The following TTN variants were observed in gnomAD, a reference collection of about 807,000 sequenced individuals.
TTN encodes the protein titin, also known as connectin.
TTN carries 1,525 observed loss-of-function variants against 3,223.0 expected under a neutral mutation model. That is an observed-to-expected ratio of 0.47 (90% confidence interval 0.45 to 0.49). The LOEUF (loss-of-function observed/expected upper bound fraction) is 0.49. Among genes scored for constraint, TTN ranks in the 20% least tolerant of loss-of-function variants. TTN has a pLI of 0.00. For missense variants in TTN, 40,786 were observed against 43,424.0 expected (o/e 0.94, Z 5.40); for synonymous variants, 14,094 against 15,161.0 (o/e 0.93, Z 5.17).
Position 178,583,861 on chromosome 2 carries a change from A to G in TTN, c.65321T>C (p.Val21774Ala). ...PEVIDVTKST[V>A]SLIWARPKHD... ...CTTTGGACGAGCCCAGATCAGAGAT[A>G]CAGTACTCTTGGTGACATCAATAAC... The change falls in exon 312 of 363, where the codon GTA (valine) becomes GCA (alanine). Residue 21774 changes from valine to alanine, a missense_variant. Coordinates refer to ENST00000589042, the MANE Select transcript of TTN (RefSeq NM_001267550.2). 3 of 1,606,666 alleles carry G rather than the reference A, an allele frequency of 1.9e-6. No homozygotes were observed. Among genetic ancestry groups the G allele is most frequent in the Non-Finnish European group, 2.6e-6 (3 of 1,175,972 alleles).
Position 178,719,645 on chromosome 2 carries a change from G to A in TTN, c.23847C>T (p.Pro7949=), listed in dbSNP as rs377009958. The change falls in exon 82 of 363, where the codon CCC becomes CCT. Residue 7949 remains proline (P), a synonymous_variant. Coordinates refer to ENST00000589042, the MANE Select transcript of TTN (RefSeq NM_001267550.2). ...ATCCTTTGTCACTCATTTCGGCACA[G>A]GGGATTTTAAGGGAAGCCACTTTAT... ...FINKVASLKI[P]CAEMSDKGLY... is the part of the protein sequence containing the mutation. 84 of 1,613,618 alleles carry A rather than the reference G, an allele frequency of 5.2e-5. No individual in the cohort carries two copies. The highest frequency in any genetic ancestry group is 7.0e-5 in the Non-Finnish European group (82 of 1,179,730).
chr2:178,618,778 T>C lies in TTN; in HGVS notation c.46772A>G (p.Tyr15591Cys), dbSNP rs771962876. ...AGCTTCTGCTTTGGGGTAGGCATCA[T>C]ATGGCACCACCATTGTCAGAGGCTT... ...VGKPLTMVVPYDAYPKAEAEW... is the reference protein window; with the variant it reads ...VGKPLTMVVPCDAYPKAEAEW... Residue 15591 changes from tyrosine (Y) to cysteine (C), a missense_variant, in exon 251 of 363, where the codon TAT becomes TGT. Coordinates refer to ENST00000589042, the MANE Select transcript of TTN (RefSeq NM_001267550.2). The C allele has an allele frequency of 1.2e-6, 2 of 1,611,592 alleles. No individual in the cohort carries two copies. Among genetic ancestry groups the C allele is most frequent in the East Asian group, 2.2e-5 (1 of 44,546 alleles).
In TTN at chr2:178,533,915, C is replaced by T. The variant is rs770752553; in HGVS notation, c.102700G>A (p.Asp34234Asn). ...LFVKGVREVYDYYCRRTMKKI... is the reference protein window; with the variant it reads ...LFVKGVREVYNYYCRRTMKKI... Reference sequence around the variant, plus strand: ...TTCATGGTTCTACGGCAGTAATAGTCATAGACTTCTCTCACACCTTTAACA... The same window carrying T: ...TTCATGGTTCTACGGCAGTAATAGTTATAGACTTCTCTCACACCTTTAACA... The change falls in exon 358 of 363, where the codon GAC (aspartate) becomes AAC (asparagine). Residue 34234 changes from aspartate to asparagine, a missense_variant. Physicochemically the swap from Asp to Asn is conservative, Grantham distance 23 (BLOSUM62 1). Coordinates refer to ENST00000589042, the MANE Select transcript of TTN (RefSeq NM_001267550.2). The T allele has an allele frequency of 3.7e-6, 6 of 1,613,704 alleles. No homozygotes were observed. The African/African-American group carries it at 5.3e-5, about 14-fold the overall frequency.
At position 178,640,126 on chromosome 2, in the gene TTN, G is replaced by A; in HGVS notation, c.40724-16C>T. 5 of 1,610,016 alleles carry A rather than the reference G, an allele frequency of 3.1e-6. No individual in the cohort carries two copies. Among genetic ancestry groups the A allele is most frequent in the Non-Finnish European group, 4.2e-6 (5 of 1,177,980 alleles). Reference sequence around the variant, plus strand: ...ATTTCAGGCACTGAAATAATTTAGAGTAGAGGGCAGATTATTACAGGATTT... The same window carrying A: ...ATTTCAGGCACTGAAATAATTTAGAATAGAGGGCAGATTATTACAGGATTT... On this transcript the variant is annotated splice_polypyrimidine_tract_variant and intron_variant, in intron 221 of 362. Transcript: ENST00000589042.
chr2:178,754,181 A>G (rs1000697182), intron 46 of TTN, among the ~76,000 whole-genome samples: 2 of 152,148 alleles, frequency 1.3e-5, no homozygotes, highest in African/African-American at 2.4e-5. Context: ...TAATAACTGT[A>G]TTCAAAAAGA....
In TTN at chr2:178,728,575, C is replaced by T. The variant is rs763946767; in HGVS notation, c.19351G>A (p.Asp6451Asn). ...ACCTTGAAAGTGTACTGACCGCTGT[C>T]CTGCTTCATTACTGACTGAATTCTA... ...SFRIQSVMKQ[D>N]SGQYTFKVEN... Residue 6451 changes from aspartate (D) to asparagine (N), a missense_variant, in exon 66 of 363, where the codon GAC becomes AAC. Coordinates refer to ENST00000589042, the MANE Select transcript of TTN (RefSeq NM_001267550.2). The T allele has an allele frequency of 2.5e-6, 4 of 1,613,148 alleles. No homozygotes were observed. Among genetic ancestry groups the T allele is most frequent in the Non-Finnish European group, 3.4e-6 (4 of 1,179,484 alleles).
chr2:178,726,250 G>C (rs1269958765), intron 69 of TTN: 6 of 493,840 alleles, frequency 1.2e-5, no homozygotes. Context: ...AACCCAGATA[G>C]ATCCTAGATG....
At position 178,735,657 on chromosome 2, in the gene TTN, G is replaced by A; in HGVS notation, c.14789C>T (p.Pro4930Leu). Reference sequence around the variant, plus strand: ...AAAACAGATCTTATAATCTTTCCCTGGGGGGAGTTTTTGCCCATCTTTGCT... The same window carrying A: ...AAAACAGATCTTATAATCTTTCCCTAGGGGGAGTTTTTGCCCATCTTTGCT... ...TWSKDGQKLPPGKDYKICFED... is the reference protein window; with the variant it reads ...TWSKDGQKLPLGKDYKICFED... Residue 4930 changes from proline to leucine, a missense_variant, in exon 50 of 363, where the codon CCA becomes CTA. Coordinates refer to ENST00000589042, the MANE Select transcript of TTN (RefSeq NM_001267550.2). The A allele has an allele frequency of 6.2e-7, 1 of 1,613,676 alleles. No homozygotes were observed.
At chr2:178,716,842 G>A (rs2077559279) in intron 88 of TTN, among the ~76,000 whole-genome samples, 1 of 152,036 alleles carries the variant, frequency 6.6e-6, no homozygotes, top group African/African-American at 2.4e-5. Flanking sequence ...TAGAGTTTCG[G>A]TTATCTCTCT....
Position 178,616,917 on chromosome 2 carries a change from C to T in TTN, c.47972G>A (p.Arg15991Lys), listed in dbSNP as rs2057438704. ...TILVPSTGYP[R>K]PTATWCFGDK... Reference sequence around the variant, plus strand: ...TCCAAAACACCAGGTTGCAGTTGGCCTTGGATAGCCTGTACTTGGAACCAG... The same window carrying T: ...TCCAAAACACCAGGTTGCAGTTGGCTTTGGATAGCCTGTACTTGGAACCAG... The change falls in exon 256 of 363, where the codon AGG (arginine) becomes AAG (lysine). Residue 15991 changes from arginine (R) to lysine (K), a missense_variant. Transcript: ENST00000589042. 1.9e-6 allele frequency: 3 copies of T among 1,612,554 alleles called. No individual in the cohort carries two copies. In the South Asian group the frequency reaches 3.3e-5, roughly 18 times the overall value.
rs1057524124 is a variant in TTN, at chr2:178,619,976, C to T, written c.46429+12G>A. On this transcript the variant is annotated intron_variant, in intron 249 of 362. Coordinates refer to ENST00000589042, the MANE Select transcript of TTN (RefSeq NM_001267550.2). ...TGGTAACATTAGAATTGTTTTTTCA[C>T]TTAATATGTACCTTCCACAAAAAGT... is the stretch of plus-strand genomic sequence containing the variant. 3.1e-6 allele frequency: 5 copies of T among 1,602,006 alleles called. No homozygotes were observed. Among genetic ancestry groups the T allele is most frequent in the Non-Finnish European group, 4.3e-6 (5 of 1,176,134 alleles).
Position 178,611,634 on chromosome 2 carries a change from C to G in TTN, c.50595G>C (p.Gly16865=), listed in dbSNP as rs759412469. The G allele has an allele frequency of 6.2e-7, 1 of 1,613,030 alleles. No homozygotes were observed. The highest frequency in any genetic ancestry group is 8.5e-7 in the Non-Finnish European group (1 of 1,179,352). Residue 16865 remains glycine, a synonymous_variant, in exon 269 of 363, where the codon GGG becomes GGC. Coordinates refer to ENST00000589042, the MANE Select transcript of TTN (RefSeq NM_001267550.2). ...TCCAAGCAATGGCAATGTGTTTTCT[C>G]CCAGCATCAGTCACATGTAGGTCAA... The part of the protein sequence containing the change: ...PPLDLHVTDA[G]RKHIAIAWKP...
chr2:178,685,559 A>C lies in TTN; in HGVS notation c.32351T>G (p.Leu10784Arg). ...EPEEYVVEEKLHIISKRVEAE... is the reference protein window; with the variant it reads ...EPEEYVVEEKRHIISKRVEAE... ...TTCCACTCTCTTAGAAATAATGTGC[A>C]GCTTTTCTTCCACAACATATTCCTC... is the stretch of plus-strand genomic sequence containing the variant. The change falls in exon 128 of 363, where the codon CTG becomes CGG. Residue 10784 changes from leucine (L) to arginine (R), a missense_variant. Leu to Arg is a moderately radical substitution (Grantham distance 102). Transcript: ENST00000589042. 6.2e-7 allele frequency: 1 copy of C among 1,613,742 alleles called. No homozygotes were observed. The highest frequency in any genetic ancestry group is 8.5e-7 in the Non-Finnish European group (1 of 1,179,778).
Position 178,727,857 on chromosome 2 carries a change from G to T in TTN, c.19721C>A (p.Pro6574Gln). 6.3e-7 allele frequency: 1 copy of T among 1,582,510 alleles called. No individual in the cohort carries two copies. The highest frequency in any genetic ancestry group is 8.6e-7 in the Non-Finnish European group (1 of 1,166,464). ...TCGCCCAGGTTTCACTAGGAAGCTT[G>T]GTGGTTCTATAGATTTTAAGAGAGA... is the stretch of plus-strand genomic sequence containing the variant. ...CSGILTVKEP[P>Q]SFLVKPGRQQ... is the part of the protein sequence containing the mutation. Residue 6574 changes from proline to glutamine, a missense_variant, in exon 68 of 363, where the codon CCA (proline) becomes CAA (glutamine). Physicochemically the swap from Pro to Gln is moderately conservative, Grantham distance 76 (BLOSUM62 -1). Transcript: ENST00000589042.
At chr2:178,783,588 C>A in intron 17 of TTN, 132 bp downstream of exon 17, 1 of 814,216 alleles carries the variant, frequency 1.2e-6, no homozygotes, top group South Asian at 1.6e-5. Flanking sequence ...CAAATACGGT[C>A]TTAAAATGAG....
intron 47 of TTN, chr2:178,745,850 A>G: frequency 6.2e-7 from 1 of 1,613,112 alleles, no homozygotes. Context: ...AATACCTTTG[A>G]TAAACCTGGG....
rs1360498807 is a variant in TTN at position 178,526,445 on chromosome 2, G to A, written c.*567C>T. 6.6e-6 allele frequency: 1 copy of A among 152,630 alleles called. No homozygotes were observed. The highest frequency in any genetic ancestry group is 2.4e-5 in the African/African-American group (1 of 41,450). The allele number at this position is 152,630 out of a possible 1,614,324, so 9.5% of individuals were successfully genotyped here. A position where few individuals can be genotyped will look rare whatever the true frequency, so the allele number is the denominator to read the frequency against. On this transcript the variant is annotated 3_prime_UTR_variant, in exon 363 of 363. Transcript: ENST00000589042. ...TGGTAATATTTGTCATGATAATTTT[G>A]TGTGACATCATCAGAGAAAATGTAA...
intron 46 of TTN, chr2:178,753,471 G>A (rs186518977): frequency 7.4e-5 from 19 of 256,322 alleles, no homozygotes; most frequent in African/African-American, 2.9e-4. Context: ...TCTACAAACC[G>A]AAGGAATATT....
At chr2:178,721,322 C>T in intron 78 of TTN, 120 bp from the exon 79 acceptor site, 5 of 851,300 alleles carry the variant, frequency 5.9e-6, no homozygotes, top group Non-Finnish European at 7.9e-6. Flanking sequence ...TAAGAATATA[C>T]TTTCTGAGGA....
Sources: gnomAD v4.1 joint callset for allele counts (sites outside exome capture counted in the v4.1 genomes callset) on GRCh38, gnomAD v4.1.1 for gene constraint, MANE v1.5 for transcripts, NCBI Gene and HGNC (gene_info 2026-07-23, HGNC 2026-07-21) for gene names.